BCAR3: variants seen among roughly 807,000 people sequenced by gnomAD.
BCAR3 encodes breast cancer anti-estrogen resistance protein 3.
In BCAR3, 37 loss-of-function variants were observed where a neutral mutation model predicts 80.1. The ratio of observed to expected loss-of-function variants is 0.46; its 90% confidence interval spans 0.36 to 0.61. The LOEUF (loss-of-function observed/expected upper bound fraction) is 0.61. Among genes scored for constraint, BCAR3 ranks in the 20% least tolerant of loss-of-function variants. The pLI is 0.00. For missense variants in BCAR3, 978 were observed against 1,068.2 expected (o/e 0.92, Z 1.18); for synonymous variants, 389 against 418.9 (o/e 0.93, Z 0.87).
At chr1:93,771,065 C>T (rs1652343071) in intron 2 of BCAR3, among the ~76,000 whole-genome samples, 1 of 152,152 alleles carries the variant, frequency 6.6e-6, no homozygotes, top group African/African-American at 2.4e-5. Flanking sequence ...ACTAATAATA[C>T]TAGCTAATGT....
intron 2 of BCAR3, among the ~76,000 whole-genome samples, chr1:93,755,728 T>C (rs953675018): frequency 2.6e-5 from 4 of 152,198 alleles, no homozygotes; most frequent in African/African-American, 9.7e-5. Flanking sequence ...CACACGACTA[T>C]ATATAAAAAG....
intron 2 of BCAR3, among the ~76,000 whole-genome samples, chr1:93,826,793 GGT>G (rs370559736): frequency 6.6e-6 from 1 of 151,384 alleles, no homozygotes; most frequent in East Asian, 1.9e-4. Flanking sequence ...GAGAGGTAGG[GGT>G]GTGTGTGTGT....
At position 93,645,277 on chromosome 1, in the gene BCAR3, GA is replaced by G. The variant is rs567597016; in HGVS notation, c.318-2935del. Among the ~76,000 whole-genome samples the G allele has an allele frequency of 5.1e-3, 748 of 145,616 alleles. 1 individual carries two copies. The highest frequency in any genetic ancestry group is 7.0e-3 in the Middle Eastern group (2 of 286). ...GAGCTCAGTTCCTCCTTTCAAGGGG[GA>G]AAAAAAAAAATGTGAGAAAGAAATA... On this transcript the variant is annotated intron_variant, in intron 2 of 11. Transcript: ENST00000260502.
At chr1:93,731,766 G>A (rs1448271602) in intron 2 of BCAR3, among the ~76,000 whole-genome samples, 1 of 152,226 alleles carries the variant, frequency 6.6e-6, no homozygotes, top group Admixed American at 6.5e-5. Flanking sequence ...ATTACAAAAT[G>A]AGATTCAAAA....
chr1:93,767,441 T>C (rs568660788), intron 2 of BCAR3, among the ~76,000 whole-genome samples: 1 of 152,062 alleles, frequency 6.6e-6, no homozygotes, highest in Non-Finnish European at 1.5e-5. Flanking sequence ...GGAGGATCAC[T>C]TGAGCCTGGG....
At chr1:93,840,505 C>A (rs184374000) in intron 2 of BCAR3, among the ~76,000 whole-genome samples, 1 of 152,160 alleles carries the variant, frequency 6.6e-6, no homozygotes, top group Admixed American at 6.5e-5. Flanking sequence ...GTGAGGCCCA[C>A]GAGTGGGGCT....
At chr1:93,846,322 T>C (rs1292540987) in intron 1 of BCAR3, among the ~76,000 whole-genome samples, 2 of 152,140 alleles carry the variant, frequency 1.3e-5, no homozygotes, top group African/African-American at 2.4e-5. Context: ...AAACGGGCTG[T>C]GGCCGAGCCG....
At chr1:93,846,527 G>T (rs115122700) in intron 1 of BCAR3, among the ~76,000 whole-genome samples, 1 of 152,066 alleles carries the variant, frequency 6.6e-6, no homozygotes, top group Non-Finnish European at 1.5e-5. Context: ...GAAACCTGCC[G>T]GCCCCCACCC....
At chr1:93,720,775 G>A (rs1209723355) in intron 2 of BCAR3, among the ~76,000 whole-genome samples, 4 of 152,030 alleles carry the variant, frequency 2.6e-5, no homozygotes, top group East Asian at 1.9e-4. Flanking sequence ...AGACCCACCC[G>A]CCCCTACACA....
rs368481630 is a variant in BCAR3, at chr1:93,571,683, A to G, written c.1961T>C (p.Leu654Pro). Reference protein sequence around the residue: ...LYSFSALMKALEMPQITRLEK... With the variant: ...LYSFSALMKAPEMPQITRLEK... ...TTGGAAATTTACCTGTGGCATTTCC[A>G]GGGCTTTCATGAGAGCTGAGAAGGA... The change falls in exon 9 of 12, where the codon CTG (leucine) becomes CCG (proline). Residue 654 changes from leucine to proline, a missense_variant. Leu to Pro is a moderately conservative substitution (Grantham distance 98). Coordinates refer to ENST00000260502, the MANE Select transcript of BCAR3 (RefSeq NM_003567.4). 6.2e-7 allele frequency: 1 copy of G among 1,614,092 alleles called. No individual in the cohort carries two copies. Among genetic ancestry groups the G allele is most frequent in the Non-Finnish European group, 8.5e-7 (1 of 1,180,040 alleles).
At chr1:93,614,975 TTCCA>T (rs1675064513) in intron 3 of BCAR3, among the ~76,000 whole-genome samples, 1 of 151,588 alleles carries the variant, frequency 6.6e-6, no homozygotes, top group South Asian at 2.1e-4. Context: ...TTTCCCTTCA[TTCCA>T]GTTATAGCGG....
chr1:93,607,118 G>T (rs1272963367), intron 3 of BCAR3, among the ~76,000 whole-genome samples: 1 of 152,186 alleles, frequency 6.6e-6, no homozygotes, highest in Non-Finnish European at 1.5e-5. Flanking sequence ...GGGATAGGGA[G>T]TGAGGGGCTG....
intron 2 of BCAR3, among the ~76,000 whole-genome samples, chr1:93,738,881 T>G (rs1363866233): frequency 6.6e-6 from 1 of 152,036 alleles, no homozygotes; most frequent in East Asian, 1.9e-4. Flanking sequence ...ACCCTTCAGG[T>G]GAACAAAGGA....
intron 3 of BCAR3, among the ~76,000 whole-genome samples, chr1:93,690,845 G>A (rs903079375): frequency 2.0e-5 from 3 of 152,054 alleles, no homozygotes; most frequent in African/African-American, 4.8e-5. Flanking sequence ...ATGTATATTC[G>A]TTTTCTAGGC....
intron 2 of BCAR3, among the ~76,000 whole-genome samples, chr1:93,815,044 TA>T (rs1294662218): frequency 2.6e-5 from 4 of 152,206 alleles, no homozygotes; most frequent in Admixed American, 2.0e-4. Flanking sequence ...GCGTTAGGGC[TA>T]TATGGAGAGC....
intron 11 of BCAR3, among the ~76,000 whole-genome samples, chr1:93,566,669 C>T (rs976477332): frequency 6.6e-6 from 1 of 152,168 alleles, no homozygotes; most frequent in Non-Finnish European, 1.5e-5. Flanking sequence ...AAAACTCCAC[C>T]TCCTCATCTT....
chr1:93,814,437 A>G (rs1653951133), intron 2 of BCAR3, among the ~76,000 whole-genome samples: 2 of 152,154 alleles, frequency 1.3e-5, no homozygotes, highest in African/African-American at 4.8e-5. Flanking sequence ...GTGTATTCCT[A>G]AGCTAAAGTC....
intron 3 of BCAR3, chr1:93,605,417 G>A (rs1674745235): frequency 6.6e-6 from 1 of 152,228 alleles, no homozygotes; most frequent in Non-Finnish European, 1.5e-5. Flanking sequence ...GCTGGCACTT[G>A]GGTTAAAAGA....
intron 3 of BCAR3, among the ~76,000 whole-genome samples, chr1:93,641,418 C>T (rs749785867): frequency 4.6e-5 from 7 of 152,114 alleles, no homozygotes; most frequent in African/African-American, 7.2e-5. Context: ...ACTCTTGCTA[C>T]GATTTCTCCC....
Sources: gnomAD v4.1 joint callset for allele counts (sites outside exome capture counted in the v4.1 genomes callset) on GRCh38, gnomAD v4.1.1 for gene constraint, MANE v1.5 for transcripts, NCBI Gene and HGNC (gene_info 2026-07-23, HGNC 2026-07-21) for gene names.